The following ANKRD18A variants were observed in gnomAD, a reference collection of about 807,000 sequenced individuals.
The protein encoded by ANKRD18A is ankyrin repeat domain 18A.
In ANKRD18A, 72 loss-of-function variants were observed where a neutral mutation model predicts 110.6. The ratio of observed to expected loss-of-function variants is 0.65; its 90% CI spans 0.54 to 0.79. ANKRD18A has a LOEUF of 0.79. Ranked by LOEUF, ANKRD18A falls within the 30% of genes least tolerant of loss-of-function variation. ANKRD18A has a pLI of 0.00. For synonymous variants in ANKRD18A, 305 were observed against 410.3 expected (o/e 0.74, Z 3.10); for missense variants, 934 against 1,163.3 (o/e 0.80, Z 2.87).
At chr9:38,568,766 G>A (rs1476750337), downstream of ANKRD18A, 1 of 985,284 alleles carries the variant, frequency 1.0e-6, no homozygotes, top group Non-Finnish European at 1.2e-6. Flanking sequence ...AGAAGGCTGA[G>A]TCCCCTGGGT....
At chr9:38,605,675 T>G (rs1437578026) in intron 6 of ANKRD18A, among the ~76,000 whole-genome samples, 1 of 152,148 alleles carries the variant, frequency 6.6e-6, no homozygotes, top group Non-Finnish European at 1.5e-5. Flanking sequence ...AGTGCAGTGG[T>G]GCATTCCGGC....
intron 15 of ANKRD18A, 26 bp downstream of exon 15, chr9:38,575,450 A>T (rs2118636242): frequency 6.6e-7 from 1 of 1,525,274 alleles, no homozygotes. Context: ...AATGAAACCC[A>T]AAAGAGAAAT....
intron 10 of ANKRD18A, among the ~76,000 whole-genome samples, chr9:38,591,174 T>G (rs1824632913): frequency 6.6e-6 from 1 of 151,770 alleles, no homozygotes; most frequent in Admixed American, 6.6e-5. Context: ...TCACTTATAT[T>G]GCTCTGGCTG....
intron 5 of ANKRD18A, among the ~76,000 whole-genome samples, chr9:38,609,937 T>G (rs1295387207): frequency 1.6e-5 from 2 of 125,506 alleles, no homozygotes; most frequent in African/African-American, 5.9e-5. Flanking sequence ...TGAGACCTTG[T>G]CTCAAAAAAA....
chr9:38,577,904 A>G lies in ANKRD18A; in HGVS notation c.2492T>C (p.Val831Ala), dbSNP rs1203625375. 1 of 1,598,040 alleles carries G rather than the reference A, an allele frequency of 6.3e-7. No homozygotes were observed. Among genetic ancestry groups the G allele is most frequent in the South Asian group, 1.1e-5 (1 of 88,492 alleles). ...TTCTTCTAATTTTTCTATTTCCTGCACTGCCCTTTCATCCAGCTCCGATTT... is the reference window on the plus strand; with the variant it reads ...TTCTTCTAATTTTTCTATTTCCTGCGCTGCCCTTTCATCCAGCTCCGATTT... Reference protein sequence around the residue: ...EYKSELDERAVQEIEKLEEIH... With the variant: ...EYKSELDERAAQEIEKLEEIH... Residue 831 changes from valine to alanine, a missense_variant, in exon 13 of 16, where the codon GTG becomes GCG. Val to Ala is a moderately conservative substitution (Grantham distance 64). Around this residue, in one of 4 missense-constraint regions of ANKRD18A, gnomAD observed 223 missense variants for 226.7 expected, o/e 0.98. Coordinates refer to ENST00000399703, the MANE Select transcript of ANKRD18A (RefSeq NM_147195.4).
intron 12 of ANKRD18A, among the ~76,000 whole-genome samples, chr9:38,584,550 G>A (rs1824293095): frequency 6.6e-6 from 1 of 152,120 alleles, no homozygotes; most frequent in African/African-American, 2.4e-5. Context: ...TGCATGGTGT[G>A]TTAATTACTT....
intron 12 of ANKRD18A, among the ~76,000 whole-genome samples, chr9:38,578,929 A>G (rs1246630146): frequency 6.6e-6 from 1 of 152,224 alleles, no homozygotes; most frequent in East Asian, 1.9e-4. Flanking sequence ...TTCTGATGCC[A>G]TAAGCCTTTC....
chr9:38,590,976 T>G (rs1302907366), intron 10 of ANKRD18A, among the ~76,000 whole-genome samples: 3 of 152,044 alleles, frequency 2.0e-5, no homozygotes, highest in Non-Finnish European at 4.4e-5. Context: ...AACGTTTTAT[T>G]TATGAGACAG....
intron 6 of ANKRD18A, among the ~76,000 whole-genome samples, chr9:38,605,547 T>G (rs901126640): frequency 1.8e-4 from 28 of 152,224 alleles, no homozygotes; most frequent in African/African-American, 6.8e-4. Context: ...ATAATTTTAT[T>G]ATAATTTTTG....
At chr9:38,619,326 C>T (rs565156628) in intron 1 of ANKRD18A, among the ~76,000 whole-genome samples, 1 of 152,248 alleles carries the variant, frequency 6.6e-6, no homozygotes. Flanking sequence ...CTCATCTTTT[C>T]CTACTCATCT....
chr9:38,589,791 C>A (rs997049526), intron 10 of ANKRD18A, among the ~76,000 whole-genome samples: 3 of 152,202 alleles, frequency 2.0e-5, no homozygotes, highest in African/African-American at 7.2e-5. Context: ...CTCGGCCTCC[C>A]AAAATGTTGG....
intron 1 of ANKRD18A, among the ~76,000 whole-genome samples, chr9:38,619,791 T>C (rs571247522): frequency 6.6e-6 from 1 of 152,286 alleles, no homozygotes; most frequent in Admixed American, 6.5e-5. Flanking sequence ...AAAAGGCTCA[T>C]GGTATTTTTG....
intron 1 of ANKRD18A, 45 bp downstream of exon 1, chr9:38,620,035 C>A: frequency 6.5e-7 from 1 of 1,544,210 alleles, no homozygotes; most frequent in Non-Finnish European, 8.7e-7. Flanking sequence ...GCAGGGAAGC[C>A]GGGCCTGCGG....
At chr9:38,619,218 G>T (rs73450378) in intron 1 of ANKRD18A, among the ~76,000 whole-genome samples, 49 of 152,062 alleles carry the variant, frequency 3.2e-4, no homozygotes, top group South Asian at 4.1e-4. Flanking sequence ...TTCTCATTTT[G>T]CATGTGTAAA....
intron 12 of ANKRD18A, among the ~76,000 whole-genome samples, chr9:38,580,022 G>C (rs1352933171): frequency 6.6e-6 from 1 of 152,198 alleles, no homozygotes; most frequent in Non-Finnish European, 1.5e-5. Context: ...CTTACTTGTA[G>C]CCACGTGGCT....
intron 5 of ANKRD18A, among the ~76,000 whole-genome samples, chr9:38,608,486 A>C (rs1239851794): frequency 3.3e-5 from 5 of 149,856 alleles, no homozygotes; most frequent in Non-Finnish European, 5.9e-5. Context: ...ATCACCTTAC[A>C]TGAATACTTT....
chr9:38,615,193 A>T (rs928901353), intron 3 of ANKRD18A, among the ~76,000 whole-genome samples: 2 of 152,172 alleles, frequency 1.3e-5, no homozygotes, highest in African/African-American at 4.8e-5. Context: ...CCCATGAAAG[A>T]TACATCCATT....
intron 9 of ANKRD18A, among the ~76,000 whole-genome samples, chr9:38,594,112 C>T (rs1353564140): frequency 6.6e-6 from 1 of 152,204 alleles, no homozygotes; most frequent in African/African-American, 2.4e-5. Flanking sequence ...TTGGTATTCT[C>T]TTACATGACA....
At chr9:38,591,515 G>T (rs555384143) in intron 10 of ANKRD18A, among the ~76,000 whole-genome samples, 1 of 152,174 alleles carries the variant, frequency 6.6e-6, no homozygotes, top group Non-Finnish European at 1.5e-5. Flanking sequence ...CTACAGGTAA[G>T]ATTTGCTTAG....
Sources: allele counts gnomAD v4.1 joint callset (sites outside exome capture counted in the v4.1 genomes callset), GRCh38; gene constraint gnomAD v4.1.1; regional missense constraint gnomAD v4.1.1; transcripts MANE v1.5; gene names NCBI Gene and HGNC (gene_info 2026-07-23, HGNC 2026-07-21).